MORC2: variants seen among roughly 807,000 people sequenced by gnomAD.
MORC2 encodes the protein MORC family CW-type zinc finger 2, also known as ATPase MORC2.
A neutral mutation model predicts 136.0 loss-of-function variants in MORC2; 30 were observed. That is an observed-to-expected ratio of 0.22 (90% CI 0.17 to 0.30). The LOEUF (loss-of-function observed/expected upper bound fraction) is 0.30, where lower values mean the gene tolerates loss of function less well. MORC2 is among the 10% of genes least tolerant of loss of function. The pLI is 1.00. For missense variants in MORC2, 922 were observed against 1,333.1 expected (o/e 0.69, Z 4.80); for synonymous variants, 439 against 487.0 (o/e 0.90, Z 1.30).
chr22:30,930,287 A>T (rs1214113572), intron 24 of MORC2, among the ~76,000 whole-genome samples: 1 of 152,220 alleles, frequency 6.6e-6, no homozygotes, highest in Admixed American at 6.5e-5. Context: ...AACAAATCTG[A>T]CAAGATGCCA....
At chr22:30,963,364 T>C in intron 1 of MORC2, 1 of 968,116 alleles carries the variant, frequency 1.0e-6, no homozygotes, top group Non-Finnish European at 1.2e-6. Flanking sequence ...TTTTGAAAAT[T>C]CGTTCACTTT....
At chr22:30,949,560 T>C (rs1197369403) in intron 5 of MORC2, among the ~76,000 whole-genome samples, 192 bp downstream of exon 5, 1 of 152,222 alleles carries the variant, frequency 6.6e-6, no homozygotes, top group Non-Finnish European at 1.5e-5. Context: ...GTTCATACTT[T>C]TCAATCTGTG....
At chr22:30,927,184 G>A (rs1038916601) in intron 25 of MORC2, among the ~76,000 whole-genome samples, 1 of 152,000 alleles carries the variant, frequency 6.6e-6, no homozygotes, top group Non-Finnish European at 1.5e-5. Flanking sequence ...CCAAGGTCCA[G>A]GCCACCACTG....
In MORC2 at chr22:30,936,883, G is replaced by A. The variant is rs543182384; in HGVS notation, c.1604+49C>T. On this transcript the variant is annotated intron_variant, in intron 16 of 25. Coordinates refer to ENST00000397641, the MANE Select transcript of MORC2 (RefSeq NM_001303256.3). ...ACTGACCTCAAGAAACACAGTGAGG[G>A]GCAGGGGAGAAAAGTACCCACAATC... 3 of 1,531,200 alleles carry A rather than the reference G, an allele frequency of 2.0e-6. No individual in the cohort carries two copies. In the East Asian group the frequency reaches 6.7e-5, roughly 34 times the overall value. The allele number at this position is 1,531,200 out of a possible 1,614,324, so 94.9% of individuals were successfully genotyped here. A position where few individuals can be genotyped will look rare whatever the true frequency, so the allele number is the denominator to read the frequency against.
Position 30,949,733 on chromosome 22 carries a change from A to G in MORC2, c.317+19T>C, listed in dbSNP as rs746032614. On this transcript the variant is annotated intron_variant, in intron 5 of 25. Transcript: ENST00000397641. ...CTGGATTTTGTTTGAGCCCTGTGACAAGCTTCTAATATACCTACGATTTTA... is the reference window on the plus strand; with the variant it reads ...CTGGATTTTGTTTGAGCCCTGTGACGAGCTTCTAATATACCTACGATTTTA... The G allele has an allele frequency of 1.7e-5, 28 of 1,603,162 alleles. No individual in the cohort carries two copies. In the Admixed American group the frequency reaches 1.8e-4, roughly 11 times the overall value.
At chr22:30,961,659 T>A (rs2147317997) in intron 1 of MORC2, among the ~76,000 whole-genome samples, 1 of 152,330 alleles carries the variant, frequency 6.6e-6, no homozygotes, top group South Asian at 2.1e-4. Context: ...ACATCTTGCA[T>A]CAGAATGTAC....
chr22:30,934,798 G>A lies in MORC2; in HGVS notation c.2176C>T (p.Pro726Ser). 1 of 1,614,160 alleles carries A rather than the reference G, an allele frequency of 6.2e-7. No homozygotes were observed. The highest frequency in any genetic ancestry group is 1.1e-5 in the South Asian group (1 of 91,080). ...KTPVVKKTES[P>S]IKLSPATPSR... ...CGTCTCACCGGGGAGAGTTTGATGG[G>A]TGACTCTGTCTTCTTCACCACTGGA... Residue 726 changes from proline to serine, a missense_variant, in exon 19 of 26, where the codon CCC (proline) becomes TCC (serine). This residue lies in a region of MORC2 where 184 missense variants were observed against 180.3 expected (regional missense o/e 1.02). Coordinates refer to ENST00000397641, the MANE Select transcript of MORC2 (RefSeq NM_001303256.3). This position sits in a 1 kb window ranked among gnomAD's most constrained non-coding sequence, Gnocchi z 4.4.
rs1269398349 is a variant in MORC2 at position 30,968,085 on chromosome 22, A to T, written c.-196T>A. The T allele has an allele frequency of 1.8e-6, 1 of 551,442 alleles. No individual in the cohort carries two copies. The highest frequency in any genetic ancestry group is 3.2e-6 in the Non-Finnish European group (1 of 309,048). 34.2% of individuals were successfully genotyped at this position (551,442 alleles called of 1,614,324 possible). ...ACAATTTCTTCAAGTGTTTTTTTTT[A>T]ATCTTCTCAATGATTTATGATGTAA... On this transcript the variant is annotated 5_prime_UTR_variant, in exon 1 of 26. Transcript: ENST00000397641.
intron 1 of MORC2, among the ~76,000 whole-genome samples, chr22:30,959,096 T>C (rs982790669): frequency 2.4e-4 from 36 of 152,406 alleles, no homozygotes; most frequent in African/African-American, 8.4e-4. Flanking sequence ...ATATATCTTA[T>C]GCATAAATAT....
chr22:30,958,197 T>C (rs574432811), intron 2 of MORC2, among the ~76,000 whole-genome samples: 1 of 152,368 alleles, frequency 6.6e-6, no homozygotes, highest in East Asian at 1.9e-4. Flanking sequence ...TGTGATCATT[T>C]AGTTATCTGA....
intron 5 of MORC2, among the ~76,000 whole-genome samples, chr22:30,947,098 G>C (rs1034873128): frequency 6.6e-6 from 1 of 152,220 alleles, no homozygotes; most frequent in African/African-American, 2.4e-5. Flanking sequence ...CAGGATTCAA[G>C]GATGCCTGTA....
intron 3 of MORC2, 87 bp from the exon 4 acceptor site, chr22:30,950,532 G>A (rs1259357028): frequency 7.3e-7 from 1 of 1,363,032 alleles, no homozygotes; most frequent in East Asian, 2.3e-5. Flanking sequence ...TCAATGTGAA[G>A]CTTGGTCCAA....
At chr22:30,967,758 G>C (rs1255119800) in intron 1 of MORC2, 64 bp downstream of exon 1, 6 of 1,544,140 alleles carry the variant, frequency 3.9e-6, no homozygotes, top group African/African-American at 2.7e-5. Flanking sequence ...CTGGGGAAAC[G>C]ATTTCCATAT....
At chr22:30,950,339 ACCC>A in intron 4 of MORC2, 35 bp downstream of exon 4, 2 of 539,982 alleles carry the variant, frequency 3.7e-6, no homozygotes, top group East Asian at 3.5e-5. Flanking sequence ...GTTACATCGC[ACCC>A]CCCCACCCCC....
chr22:30,926,968 G>T lies in MORC2; in HGVS notation c.3031-97C>A, dbSNP rs1038400500. 2.9e-6 allele frequency: 3 copies of T among 1,024,808 alleles called. No homozygotes were observed. In the African/African-American group the frequency reaches 4.7e-5, roughly 16 times the overall value. The allele number at this position is 1,024,808 out of a possible 1,614,324, so 63.5% of individuals were successfully genotyped here. A position where few individuals can be genotyped will look rare whatever the true frequency, so the allele number is the denominator to read the frequency against. ...CTCAGCTCCTGGGATGGAGCCCAGA[G>T]TCCTCTCCCTGACCTCCCACCCCGC... On this transcript the variant is annotated intron_variant, in intron 25 of 25. Coordinates refer to ENST00000397641, the MANE Select transcript of MORC2 (RefSeq NM_001303256.3).
chr22:30,952,433 G>C (rs1243515943), intron 3 of MORC2, among the ~76,000 whole-genome samples: 2 of 152,206 alleles, frequency 1.3e-5, no homozygotes, highest in Non-Finnish European at 2.9e-5. Flanking sequence ...CTCTTAGGCT[G>C]CTTTAGCACA....
chr22:30,950,877 C>G (rs2040877222), intron 3 of MORC2, among the ~76,000 whole-genome samples: 1 of 152,168 alleles, frequency 6.6e-6, no homozygotes, highest in Non-Finnish European at 1.5e-5. Context: ...CAACAGGATG[C>G]CTCCTTTGTG....
chr22:30,947,174 T>C (rs2040829431), intron 5 of MORC2, among the ~76,000 whole-genome samples: 2 of 152,262 alleles, frequency 1.3e-5, no homozygotes, highest in African/African-American at 4.8e-5. Context: ...CTCAAGCTCA[T>C]TATGACACAG....
At position 30,946,404 on chromosome 22, in the gene MORC2, C is replaced by T; in HGVS notation, c.363G>A (p.Lys121=). The change falls in exon 6 of 26, where the codon AAG becomes AAA. Residue 121 remains lysine (K), a synonymous_variant. Transcript: ENST00000397641. ...GGAAGAGGCAGGTCATGGTGTCTTC[C>T]TTCTTGGTGAACAGGATAAAATCCT... ...IGKDFILFTK[K]EDTMTCLFLS... is the part of the protein sequence containing the mutation. 1 of 1,611,306 alleles carries T rather than the reference C, an allele frequency of 6.2e-7. No homozygotes were observed. Among genetic ancestry groups the T allele is most frequent in the Non-Finnish European group, 8.5e-7 (1 of 1,178,666 alleles).
Sources: gnomAD v4.1 joint callset for allele counts (sites outside exome capture counted in the v4.1 genomes callset) on GRCh38, gnomAD v4.1.1 for gene constraint, gnomAD v4.1.1 regional missense constraint, Gnocchi (gnomAD v3.1) non-coding constraint, MANE v1.5 for transcripts, NCBI Gene and HGNC (gene_info 2026-07-23, HGNC 2026-07-21) for gene names.